The following SLC1A2 variants were observed in gnomAD, a reference collection of about 807,000 sequenced individuals.
SLC1A2 encodes solute carrier family 1 member 2.
Under a neutral mutation model 48.8 loss-of-function variants are expected in SLC1A2, and 15 were observed. The ratio of observed to expected loss-of-function variants is 0.31; its 90% confidence interval spans 0.21 to 0.47. SLC1A2 has a LOEUF of 0.47. SLC1A2 is among the 20% of genes least tolerant of loss of function. The pLI, the probability that SLC1A2 is intolerant of heterozygous loss-of-function variation, is 0.99. For synonymous variants in SLC1A2, 279 were observed against 272.6 expected (o/e 1.02, Z -0.23); for missense variants, 502 against 730.5 (o/e 0.69, Z 3.61).
Position 35,281,227 on chromosome 11 carries a change from T to C in SLC1A2, c.1287-226A>G, listed in dbSNP as rs112603261. The stretch of plus-strand genomic sequence containing the variant: ...ACTATGATGTAAGCTTATAAATTCA[T>C]GGACTGGAGCCTTATTCCCATGATG... On this transcript the variant is annotated intron_variant, in intron 8 of 10. Coordinates refer to ENST00000278379, the MANE Select transcript of SLC1A2 (RefSeq NM_004171.4). Among the ~76,000 whole-genome samples, 1,027 of 152,312 alleles carry C rather than the reference T, an allele frequency of 6.7e-3. 11 individuals are homozygous for C. The highest frequency in any genetic ancestry group is 0.023 in the African/African-American group (974 of 41,554).
intron 1 of SLC1A2, among the ~76,000 whole-genome samples, chr11:35,358,004 G>T (rs146089676): frequency 6.6e-6 from 1 of 152,044 alleles, no homozygotes; most frequent in Non-Finnish European, 1.5e-5. Context: ...AATTAGCTGG[G>T]TGTGGTGGCA....
chr11:35,366,817 A>C (rs879345391), intron 1 of SLC1A2, among the ~76,000 whole-genome samples: 3 of 152,152 alleles, frequency 2.0e-5, no homozygotes, highest in Non-Finnish European at 4.4e-5. Flanking sequence ...GGTTTAAGAG[A>C]GGTGTGGCCC....
intron 4 of SLC1A2, among the ~76,000 whole-genome samples, chr11:35,310,292 C>G (rs1411876247): frequency 2.0e-5 from 3 of 152,172 alleles, no homozygotes; most frequent in African/African-American, 7.2e-5. Flanking sequence ...ATGCTCTTTC[C>G]AAAATGTTAA....
At chr11:35,358,017 T>C (rs1485192064) in intron 1 of SLC1A2, among the ~76,000 whole-genome samples, 1 of 151,906 alleles carries the variant, frequency 6.6e-6, no homozygotes, top group Admixed American at 6.6e-5. Context: ...TGGTGGCAGG[T>C]GGCTATAGCC....
chr11:35,339,390 T>G (rs1475241375), intron 1 of SLC1A2, among the ~76,000 whole-genome samples: 1 of 152,328 alleles, frequency 6.6e-6, no homozygotes, highest in Middle Eastern at 3.4e-3. Context: ...GGGCATCTTC[T>G]TATACTCTGC....
chr11:35,399,820 G>A (rs1855084243), intron 1 of SLC1A2: 1 of 152,468 alleles, frequency 6.6e-6, no homozygotes. Context: ...ATTAGAGAAT[G>A]TGCTACAGTT....
At chr11:35,320,320 TTTACTC>T (rs1457974303) in intron 1 of SLC1A2, among the ~76,000 whole-genome samples, 1 of 152,226 alleles carries the variant, frequency 6.6e-6, no homozygotes, top group African/African-American at 2.4e-5. Context: ...TGGTACAATC[TTTACTC>T]TTAAAGAGCC....
chr11:35,349,977 C>T (rs1853186147), intron 1 of SLC1A2, among the ~76,000 whole-genome samples: 1 of 152,172 alleles, frequency 6.6e-6, no homozygotes, highest in African/African-American at 2.4e-5. Context: ...ATCCCAGCTC[C>T]ACCACTTAAC....
intron 3 of SLC1A2, among the ~76,000 whole-genome samples, chr11:35,313,674 T>C (rs573903738): frequency 2.0e-4 from 31 of 152,276 alleles, no homozygotes; most frequent in African/African-American, 6.5e-4. Flanking sequence ...CCCCACCAAG[T>C]TGGCCAACGT....
At chr11:35,413,803 G>T (rs1855532665) in intron 1 of SLC1A2, 2 of 152,182 alleles carry the variant, frequency 1.3e-5, no homozygotes, top group African/African-American at 2.4e-5. Context: ...AACTTGGGAT[G>T]GCAGAACCAC....
At chr11:35,278,210 T>A (rs113308696) in intron 9 of SLC1A2, among the ~76,000 whole-genome samples, 6,352 of 151,820 alleles carry the variant, frequency 0.042, 440 homozygotes, top group African/African-American at 0.14. Flanking sequence ...TGGCCTTCCT[T>A]GCAGCCCTCC....
chr11:35,305,002 T>TG (rs1851460810), intron 5 of SLC1A2, among the ~76,000 whole-genome samples: 1 of 152,240 alleles, frequency 6.6e-6, no homozygotes, highest in South Asian at 2.1e-4. Context: ...CATCTCTAAG[T>TG]AGCTGTCATC....
intron 9 of SLC1A2, among the ~76,000 whole-genome samples, chr11:35,267,915 C>T (rs1490399476): frequency 6.6e-6 from 1 of 152,170 alleles, no homozygotes; most frequent in Admixed American, 6.5e-5. Flanking sequence ...ATTTACTGAG[C>T]ACAAGATAAA....
chr11:35,347,781 C>A (rs147281328), intron 1 of SLC1A2, among the ~76,000 whole-genome samples: 1 of 152,158 alleles, frequency 6.6e-6, no homozygotes, highest in African/African-American at 2.4e-5. Context: ...CCATGTTGCC[C>A]AGGCTGGTCT....
rs752109931 is a variant in SLC1A2 at position 35,395,945 on chromosome 11, C to A, written c.17+23005G>T. On this transcript the variant is annotated intron_variant, in intron 1 of 10. Transcript: ENST00000278379. Reference sequence around the variant, plus strand: ...TGCGGTGTTTGGTTTTTTGTTCTTGCGATAGATTACTGAGAATGATGATTT... The same window carrying A: ...TGCGGTGTTTGGTTTTTTGTTCTTGAGATAGATTACTGAGAATGATGATTT... Among the ~76,000 whole-genome samples, 975 of 148,364 alleles carry A rather than the reference C, an allele frequency of 6.6e-3. 5 individuals carry two copies. Among genetic ancestry groups the A allele is most frequent in the Non-Finnish European group, 8.8e-3 (594 of 67,352 alleles).
chr11:35,415,328 G>C (rs1174586490), intron 1 of SLC1A2, among the ~76,000 whole-genome samples: 1 of 152,186 alleles, frequency 6.6e-6, no homozygotes, highest in Non-Finnish European at 1.5e-5. Context: ...TCTGGATTTA[G>C]AAATTATTTC....
intron 1 of SLC1A2, among the ~76,000 whole-genome samples, chr11:35,348,892 C>CA (rs397752034): frequency 0.58 from 45,269 of 78,380 alleles, 13,474 homozygotes; most frequent in Middle Eastern, 0.67. Flanking sequence ...GACCTGGTCT[C>CA]AAAAAAAAAA....
chr11:35,407,457 C>A (rs960988854), intron 1 of SLC1A2, among the ~76,000 whole-genome samples: 35 of 152,238 alleles, frequency 2.3e-4, no homozygotes, highest in African/African-American at 8.4e-4. Flanking sequence ...TTATAGCACA[C>A]CTGGCCTAAA....
At chr11:35,380,865 C>T (rs1854399758) in intron 1 of SLC1A2, among the ~76,000 whole-genome samples, 1 of 152,136 alleles carries the variant, frequency 6.6e-6, no homozygotes, top group Admixed American at 6.5e-5. Context: ...CTCCCAATGA[C>T]ACCCTGGGCT....
Sources: allele counts gnomAD v4.1 joint callset (sites outside exome capture counted in the v4.1 genomes callset), GRCh38; gene constraint gnomAD v4.1.1; transcripts MANE v1.5; gene names NCBI Gene and HGNC (gene_info 2026-07-23, HGNC 2026-07-21).